Variants in JUP observed in about 807,000 individuals in gnomAD.
The protein encoded by JUP is junction plakoglobin, also known as catenin (cadherin-associated protein), gamma 80kDa.
JUP carries 28 observed loss-of-function variants against 71.1 expected under a neutral mutation model. That is an observed-to-expected ratio of 0.39 (90% CI 0.29 to 0.54). The LOEUF (loss-of-function observed/expected upper bound fraction) is 0.54. Ranked by LOEUF, JUP falls within the 20% of genes least tolerant of loss-of-function variation. The pLI, the probability that JUP is intolerant of heterozygous loss-of-function variation, is 0.62. For missense variants in JUP, 869 were observed against 1,030.1 expected, an observed-to-expected ratio of 0.84 and a Z score of 2.14; for synonymous variants, 401 against 438.9, an observed-to-expected ratio of 0.91 and a Z score of 1.08.
chr17:41,781,902 CG>C (rs1567834033), intron 1 of JUP, among the ~76,000 whole-genome samples: 2 of 152,156 alleles, frequency 1.3e-5, no homozygotes, highest in Admixed American at 1.3e-4. Context: ...CTCAAGTCCT[CG>C]GGGGAGATGG....
At chr17:41,781,330 G>A (rs2047153151) in intron 1 of JUP, among the ~76,000 whole-genome samples, 1 of 151,902 alleles carries the variant, frequency 6.6e-6, no homozygotes, top group South Asian at 2.1e-4. Flanking sequence ...ACTCCAGTCT[G>A]GGTGACAGAG....
At chr17:41,762,886 TG>T (rs1901457547) in intron 8 of JUP, 96 bp downstream of exon 8, 1 of 953,862 alleles carries the variant, frequency 1.0e-6, no homozygotes, top group Non-Finnish European at 1.7e-6. Flanking sequence ...TTCGAGCCAC[TG>T]TATTTAGGGC....
At position 41,755,401 on chromosome 17, in the gene JUP, G is replaced by A. The variant is rs1260271469; in HGVS notation, c.*343C>T. 1 of 409,414 alleles carries A rather than the reference G, an allele frequency of 2.4e-6. No individual in the cohort carries two copies. Among genetic ancestry groups the A allele is most frequent in the Non-Finnish European group, 4.3e-6 (1 of 232,480 alleles). 25.4% of individuals were successfully genotyped at this position (409,414 alleles called of 1,614,324 possible). A position where few individuals can be genotyped will look rare whatever the true frequency, so the allele number is the denominator to read the frequency against. ...ACTTTTCTGTCTTGCCCCATCGCCTGCACGGAGAGCCTCTCAGATGAGGAA... is the reference window on the plus strand; with the variant it reads ...ACTTTTCTGTCTTGCCCCATCGCCTACACGGAGAGCCTCTCAGATGAGGAA... On this transcript the variant is annotated 3_prime_UTR_variant, in exon 14 of 14. Transcript: ENST00000393931.
intron 1 of JUP, chr17:41,772,947 G>T: frequency 1.0e-6 from 1 of 985,542 alleles, no homozygotes; most frequent in Non-Finnish European, 1.2e-6. Context: ...AATGGACGCC[G>T]TGATCCCATG....
chr17:41,769,402 AGG>A lies in JUP; in HGVS notation c.468+14_468+15del, dbSNP rs1268896524. On this transcript the variant is annotated intron_variant, in intron 3 of 13. Transcript: ENST00000393931. ...CTCCCTGCCCAGCCCCCACCCTAGC[AGG>A]GACCCTCACAGACCGGGTCCTCGTC... The A allele has an allele frequency of 6.2e-7, 1 of 1,606,344 alleles. No homozygotes were observed. Among genetic ancestry groups the A allele is most frequent in the Non-Finnish European group, 8.5e-7 (1 of 1,177,330 alleles).
intron 2 of JUP, chr17:41,771,310 G>C: frequency 2.8e-6 from 1 of 361,592 alleles, no homozygotes; most frequent in South Asian, 2.7e-5. Context: ...GGGATTACAG[G>C]CATGAGCCAC....
intron 7 of JUP, among the ~76,000 whole-genome samples, chr17:41,764,246 G>C (rs185514580): frequency 4.6e-5 from 7 of 152,134 alleles, no homozygotes; most frequent in Non-Finnish European, 8.8e-5. Flanking sequence ...GGTCAAAACT[G>C]TTCTTTTGCT....
intron 9 of JUP, 71 bp downstream of exon 9, chr17:41,758,644 T>A: frequency 6.3e-7 from 1 of 1,581,572 alleles, no homozygotes; most frequent in Non-Finnish European, 8.6e-7. Context: ...ACCTCCCCAT[T>A]CACACACACA....
At chr17:41,766,636 C>T (rs1463388206) in intron 5 of JUP, among the ~76,000 whole-genome samples, 2 of 151,972 alleles carry the variant, frequency 1.3e-5, no homozygotes, top group Non-Finnish European at 2.9e-5. Flanking sequence ...AGATGGACAA[C>T]CTAAGGTCAA....
intron 1 of JUP, among the ~76,000 whole-genome samples, chr17:41,776,209 C>A (rs1196680687): frequency 6.6e-6 from 1 of 152,248 alleles, no homozygotes; most frequent in Non-Finnish European, 1.5e-5. Flanking sequence ...TAGAGGCCAG[C>A]ACCCTGTGCA....
At chr17:41,767,753 G>A (rs1555604712) in intron 4 of JUP, among the ~76,000 whole-genome samples, 173 bp from the exon 5 acceptor site, 8 of 152,218 alleles carry the variant, frequency 5.3e-5, no homozygotes, top group Admixed American at 3.9e-4. Context: ...TCTTAAGCAT[G>A]AAGCAAACAG....
chr17:41,778,036 A>T (rs1268852348), intron 1 of JUP, among the ~76,000 whole-genome samples: 1 of 152,136 alleles, frequency 6.6e-6, no homozygotes, highest in Non-Finnish European at 1.5e-5. Flanking sequence ...CGCAAAATAC[A>T]CAAGTACTCT....
In JUP at chr17:41,776,465, C is replaced by T. The variant is rs2046890782; in HGVS notation, c.-8-4603G>A. Among the ~76,000 whole-genome samples the T allele has an allele frequency of 2.6e-5, 4 of 152,240 alleles. No individual in the cohort carries two copies. In the South Asian group the frequency reaches 8.3e-4, roughly 31 times the overall value. On this transcript the variant is annotated intron_variant, in intron 1 of 13. Transcript: ENST00000393931. ...GCGCAGTGGCTCGTGCCTATAATCC[C>T]AGCATTTTGGAAGGCGGAGGTGGGA...
chr17:41,775,851 C>G, intron 1 of JUP: 2 of 397,654 alleles, frequency 5.0e-6, no homozygotes, highest in Non-Finnish European at 6.8e-6. Context: ...GGGTGCACCC[C>G]TACCCTTCTT....
Position 41,768,964 on chromosome 17 carries a change from G to T in JUP, c.707+5C>A, listed in dbSNP as rs375580484. On this transcript the variant is annotated splice_donor_5th_base_variant and intron_variant, in intron 4 of 13. Transcript: ENST00000393931. Reference sequence around the variant, plus strand: ...TGGGCTCATGCAGTGAGCAGGGTTGGGTACCTGAGCATGCGGACCAGAGCA... The same window carrying T: ...TGGGCTCATGCAGTGAGCAGGGTTGTGTACCTGAGCATGCGGACCAGAGCA... 2 of 1,598,672 alleles carry T rather than the reference G, an allele frequency of 1.3e-6. No homozygotes were observed. The highest frequency in any genetic ancestry group is 1.3e-5 in the African/African-American group (1 of 74,722).
chr17:41,776,441 C>T (rs1201957102), intron 1 of JUP, among the ~76,000 whole-genome samples: 2 of 152,224 alleles, frequency 1.3e-5, no homozygotes, highest in South Asian at 4.1e-4. Context: ...AGCCAGCTGG[C>T]GCAGTGGCTC....
chr17:41,760,803 C>T (rs1381849381), intron 8 of JUP, among the ~76,000 whole-genome samples: 1 of 152,046 alleles, frequency 6.6e-6, no homozygotes, highest in African/African-American at 2.4e-5. Context: ...TCAGGTAATC[C>T]TCCCGCCCCG....
intron 1 of JUP, among the ~76,000 whole-genome samples, chr17:41,777,445 G>A (rs908555940): frequency 4.6e-5 from 7 of 152,208 alleles, no homozygotes; most frequent in African/African-American, 1.7e-4. Context: ...GGACATGATG[G>A]CTTCCCTTGA....
chr17:41,783,380 T>A (rs2143912138), intron 1 of JUP, among the ~76,000 whole-genome samples: 1 of 150,496 alleles, frequency 6.6e-6, no homozygotes, highest in East Asian at 2.0e-4. Flanking sequence ...TTGACTTCCC[T>A]GGGCTCAGGT....
Sources: gnomAD v4.1 joint callset for allele counts (sites outside exome capture counted in the v4.1 genomes callset) on GRCh38, gnomAD v4.1.1 for gene constraint, MANE v1.5 for transcripts, NCBI Gene and HGNC (gene_info 2026-07-23, HGNC 2026-07-21) for gene names.